ATM: variants seen among roughly 807,000 people sequenced by gnomAD.
The protein encoded by ATM is serine-protein kinase ATM.
Under a neutral mutation model 387.0 loss-of-function variants are expected in ATM, and 308 were observed. That is an observed-to-expected ratio of 0.80 (90% CI 0.73 to 0.87). The LOEUF (loss-of-function observed/expected upper bound fraction) is 0.87, where lower values mean the gene tolerates loss of function less well. Ranked by LOEUF, ATM falls within the 40% of genes least tolerant of loss-of-function variation. The pLI, the probability that ATM is intolerant of heterozygous loss-of-function variation, is 0.00. For missense variants in ATM, 3,312 were observed against 3,560.9 expected, an observed-to-expected ratio of 0.93 and a Z score of 1.78; for synonymous variants, 1,156 against 1,187.3, an observed-to-expected ratio of 0.97 and a Z score of 0.54.
intron 5 of ATM, among the ~76,000 whole-genome samples, chr11:108,241,384 T>C (rs544950817): frequency 2.0e-5 from 3 of 152,230 alleles, no homozygotes; most frequent in Admixed American, 6.5e-5. Context: ...ACTTAGTCAT[T>C]TATTATCATT....
chr11:108,359,271 T>C (rs1287349508), intron 61 of ATM, among the ~76,000 whole-genome samples: 1 of 151,430 alleles, frequency 6.6e-6, no homozygotes, highest in Non-Finnish European at 1.5e-5. Context: ...ATGCACCCAA[T>C]ACAGGAGCAC....
intron 38 of ATM, among the ~76,000 whole-genome samples, chr11:108,309,945 G>C (rs1050929838): frequency 2.6e-5 from 4 of 151,980 alleles, no homozygotes; most frequent in African/African-American, 9.7e-5. Context: ...TGATAGGTTT[G>C]AGGGAAAAAA....
At chr11:108,354,439 C>T (rs2089631046) in intron 60 of ATM, among the ~76,000 whole-genome samples, 1 of 152,164 alleles carries the variant, frequency 6.6e-6, no homozygotes, top group Admixed American at 6.5e-5. Flanking sequence ...AAAAGCTTTG[C>T]AGTTCCTTGT....
intron 55 of ATM, among the ~76,000 whole-genome samples, chr11:108,335,527 G>A (rs1440926733): frequency 2.0e-5 from 3 of 152,138 alleles, no homozygotes; most frequent in East Asian, 3.8e-4. Context: ...ATTTGCTGAC[G>A]AGCTCTTTGG....
In ATM at chr11:108,328,961, A is replaced by G. The variant is rs1378389970; in HGVS notation, c.7090-60A>G. 3 of 1,486,352 alleles carry G rather than the reference A, an allele frequency of 2.0e-6. No individual in the cohort carries two copies. The East Asian group carries it at 7.2e-5, about 36-fold the overall frequency. 92.1% of individuals were successfully genotyped at this position (1,486,352 alleles called of 1,614,324 possible). ...TTAGTGTATTACCTTAATTTGAGTGATTCTTTAGATGTATTTAGTATTTGT... is the reference window on the plus strand; with the variant it reads ...TTAGTGTATTACCTTAATTTGAGTGGTTCTTTAGATGTATTTAGTATTTGT... On this transcript the variant is annotated intron_variant, in intron 48 of 62. Coordinates refer to ENST00000675843, the MANE Select transcript of ATM (RefSeq NM_000051.4).
intron 29 of ATM, among the ~76,000 whole-genome samples, 172 bp from the exon 30 acceptor site, chr11:108,292,447 T>A (rs935615301): frequency 6.6e-6 from 1 of 152,242 alleles, no homozygotes; most frequent in African/African-American, 2.4e-5. Context: ...AGCTGCCTAT[T>A]CTGCATTTTG....
intron 56 of ATM, among the ~76,000 whole-genome samples, chr11:108,340,822 A>G (rs946797706): frequency 1.3e-5 from 2 of 152,170 alleles, no homozygotes; most frequent in African/African-American, 4.8e-5. Flanking sequence ...CCTCCCATGT[A>G]CTGTAAATCA....
At chr11:108,354,022 C>A in intron 60 of ATM, 142 bp downstream of exon 60, 2 of 701,450 alleles carry the variant, frequency 2.9e-6, no homozygotes, top group Non-Finnish European at 2.5e-6. Context: ...TTGAGTCCAG[C>A]CTAGGCAATA....
At chr11:108,253,721 G>A (rs967200214) in intron 12 of ATM, 93 bp from the exon 13 acceptor site, 34 of 837,150 alleles carry the variant, frequency 4.1e-5, no homozygotes, top group Middle Eastern at 6.7e-4. Context: ...GTAGATACTA[G>A]GTTAATGTTT....
At chr11:108,283,277 T>C (rs2082328404) in intron 25 of ATM, among the ~76,000 whole-genome samples, 1 of 152,246 alleles carries the variant, frequency 6.6e-6, no homozygotes, top group South Asian at 2.1e-4. Flanking sequence ...TTGTTTTTCT[T>C]TTCTGTTGCT....
chr11:108,289,584 A>G lies in ATM; in HGVS notation c.4237-18A>G, dbSNP rs756842639. ...TATCTAATTAAACAAGTTTTTACTA[A>G]ATCTGTTTATTTTCTAGGATTCCTA... is the stretch of plus-strand genomic sequence containing the variant. On this transcript the variant is annotated intron_variant, in intron 28 of 62. Coordinates refer to ENST00000675843, the MANE Select transcript of ATM (RefSeq NM_000051.4). The G allele has an allele frequency of 6.3e-6, 10 of 1,588,146 alleles. No individual in the cohort carries two copies. The highest frequency in any genetic ancestry group is 7.7e-6 in the Non-Finnish European group (9 of 1,165,962).
chr11:108,331,466 C>G lies in ATM; in HGVS notation c.7538C>G (p.Thr2513Arg), dbSNP rs2136492214. 1 of 1,612,418 alleles carries G rather than the reference C, an allele frequency of 6.2e-7. No homozygotes were observed. The highest frequency in any genetic ancestry group is 8.5e-7 in the Non-Finnish European group (1 of 1,179,302). ...MMKRDGMKIP[T>R]YKFLPLMYQL... ...TAGAGAGACGGAATGAAGATTCCAA[C>G]ATATAAATTTTTGCCTCTTATGTAC... Residue 2513 changes from threonine (T) to arginine (R), a missense_variant, in exon 51 of 63, where the codon ACA becomes AGA. This residue lies in a region of ATM where 1,405 missense variants were observed against 1,604.4 expected (regional missense o/e 0.88). Transcript: ENST00000675843.
At chr11:108,354,088 C>A (rs1196132527) in intron 60 of ATM, among the ~76,000 whole-genome samples, 1 of 149,596 alleles carries the variant, frequency 6.7e-6, no homozygotes. Flanking sequence ...CACACACACA[C>A]ACACACACAC....
intron 59 of ATM, among the ~76,000 whole-genome samples, chr11:108,351,543 G>A (rs555730496): frequency 2.6e-5 from 4 of 152,190 alleles, no homozygotes; most frequent in Non-Finnish European, 5.9e-5. Context: ...ATCTGGGGCT[G>A]GAGTTATCTT....
rs2091380607 is a variant in ATM, at chr11:108,367,268, T to A, written c.*1760T>A. The A allele has an allele frequency of 5.5e-6, 1 of 180,342 alleles. No homozygotes were observed. Among genetic ancestry groups the A allele is most frequent in the African/African-American group, 2.4e-5 (1 of 42,390 alleles). The allele number at this position is 180,342 out of a possible 1,614,324, so 11.2% of individuals were successfully genotyped here. ...TCCCAAAGTGCTGGGATTACAGGTGTGAGCCACCGCGCCCGGCCTCATTCC... is the reference window on the plus strand; with the variant it reads ...TCCCAAAGTGCTGGGATTACAGGTGAGAGCCACCGCGCCCGGCCTCATTCC... On this transcript the variant is annotated 3_prime_UTR_variant, in exon 63 of 63. Transcript: ENST00000675843.
At chr11:108,278,522 A>G (rs961842413) in intron 22 of ATM, among the ~76,000 whole-genome samples, 26 of 152,128 alleles carry the variant, frequency 1.7e-4, no homozygotes, top group Admixed American at 1.2e-3. Flanking sequence ...TTGTGTTGCT[A>G]TAAAGGAATA....
chr11:108,307,350 A>G (rs2083772121), intron 37 of ATM, among the ~76,000 whole-genome samples: 1 of 151,980 alleles, frequency 6.6e-6, no homozygotes, highest in South Asian at 2.1e-4. Context: ...GGGTTTCACC[A>G]TGTTGGCCAG....
intron 16 of ATM, among the ~76,000 whole-genome samples, chr11:108,266,789 A>ATTTTTT (rs893198517): frequency 1.5e-5 from 2 of 132,580 alleles, no homozygotes; most frequent in Non-Finnish European, 1.6e-5. Context: ...GATTAGGTAA[A>ATTTTTT]TTTTTTTTTT....
At chr11:108,321,177 T>G in intron 44 of ATM, 124 bp from the exon 45 acceptor site, 1 of 1,276,360 alleles carries the variant, frequency 7.8e-7, no homozygotes, top group Non-Finnish European at 1.1e-6. Flanking sequence ...TCACTGTTGC[T>G]TGTTAGTATT....
Sources: gnomAD v4.1 joint callset for allele counts (sites outside exome capture counted in the v4.1 genomes callset) on GRCh38, gnomAD v4.1.1 for gene constraint, gnomAD v4.1.1 regional missense constraint, MANE v1.5 for transcripts, NCBI Gene and HGNC (gene_info 2026-07-23, HGNC 2026-07-21) for gene names.